Variants in TP53I13 observed in about 807,000 individuals in gnomAD.
TP53I13 encodes tumor protein p53-inducible protein 13.
TP53I13 carries 27 observed loss-of-function variants against 39.1 expected under a neutral mutation model. That is an observed-to-expected ratio of 0.69 (90% confidence interval 0.51 to 0.95). TP53I13 has a LOEUF of 0.95. TP53I13 is among the 40% of genes least tolerant of loss of function. The pLI, the probability that TP53I13 is intolerant of heterozygous loss-of-function variation, is 0.00. For synonymous variants in TP53I13, 230 were observed against 224.6 expected (o/e 1.02, Z -0.22); for missense variants, 544 against 520.4 (o/e 1.05, Z -0.44).
chr17:29,579,060 A>G, the TP53I13 span: 2 of 1,358,836 alleles, frequency 1.5e-6, no homozygotes, highest in Non-Finnish European at 2.1e-6. Flanking sequence ...AGGGCAGCAC[A>G]CGCCTTTTCA....
chr17:29,582,211 C>T, the TP53I13 span: 1 of 1,241,854 alleles, frequency 8.1e-7, no homozygotes, highest in Non-Finnish European at 1.1e-6. Flanking sequence ...CCACAAGCTG[C>T]ACCCTGGCTG....
At chr17:29,569,713 G>A (rs6505139) in intron 3 of TP53I13, 6,500 of 258,448 alleles carry the variant, frequency 0.025, 377 homozygotes, top group African/African-American at 0.13. Context: ...GACTTTGTGG[G>A]CCCCAGCTTT....
downstream of TP53I13, chr17:29,575,388 G>A (rs1294328663): frequency 6.2e-7 from 1 of 1,613,368 alleles, no homozygotes; most frequent in Non-Finnish European, 8.5e-7. The surrounding 1 kb of genome is among the most constrained non-coding windows in gnomAD (Gnocchi z 5.5). Flanking sequence ...GGAAGCCCAG[G>A]ATCTAGGTCT....
rs534007903 is a variant in TP53I13, at chr17:29,572,145, C to G, written c.517C>G (p.Leu173Val). The G allele has an allele frequency of 1.2e-6, 2 of 1,608,592 alleles. No individual in the cohort carries two copies. Among genetic ancestry groups the G allele is most frequent in the East Asian group, 2.2e-5 (1 of 44,738 alleles). The change falls in exon 6 of 7, where the codon CTG (leucine) becomes GTG (valine). Residue 173 changes from leucine to valine, a missense_variant. Transcript: ENST00000301057. The part of the protein sequence containing the change: ...RLCRRGCVQA[L>V]ALAFALRSWR... ...TTGCTCTCTCTCCTCTCCTTAGGCC[C>G]TGGCTCTGGCCTTTGCTCTGCGGAG...
chr17:29,581,689 G>T, the TP53I13 span: 2 of 1,448,034 alleles, frequency 1.4e-6, no homozygotes, highest in Non-Finnish European at 1.9e-6. The surrounding 1 kb of genome is among the most constrained non-coding windows in gnomAD (Gnocchi z 4.8). Flanking sequence ...GGTCCCACCT[G>T]CCCAGCCCCA....
chr17:29,577,470 C>T (rs2033251912), downstream of TP53I13, among the ~76,000 whole-genome samples: 1 of 152,194 alleles, frequency 6.6e-6, no homozygotes, highest in Non-Finnish European at 1.5e-5. Flanking sequence ...GGAGCTGCTC[C>T]CCAAGTGCTC....
downstream of TP53I13, chr17:29,577,629 A>C (rs2033259577): frequency 1.3e-6 from 2 of 1,542,018 alleles, no homozygotes. Context: ...CCAGGCCCCC[A>C]ATCCAGCCCC....
chr17:29,575,461 C>T (rs772218935), downstream of TP53I13: 3 of 1,602,796 alleles, frequency 1.9e-6, no homozygotes, highest in Non-Finnish European at 2.6e-6. This position sits in a 1 kb window ranked among gnomAD's most constrained non-coding sequence, Gnocchi z 5.5. Flanking sequence ...GAAACCTCTT[C>T]CCTTCCAGCC....
At chr17:29,566,892 G>C (rs1293792051), upstream of TP53I13, 6 of 1,494,020 alleles carry the variant, frequency 4.0e-6, no homozygotes, top group African/African-American at 4.4e-5. Flanking sequence ...AGGGTCCCCG[G>C]AGCCGCGGGC....
At chr17:29,576,148 A>G, downstream of TP53I13, 2 of 1,613,428 alleles carry the variant, frequency 1.2e-6, no homozygotes, top group Non-Finnish European at 1.7e-6. Context: ...ATGTTAGCAC[A>G]GCGAGCGTCA....
In TP53I13 at chr17:29,572,636, C is replaced by A; in HGVS notation, c.1008C>A (p.Asn336Lys). ...LATLCTRLHR[N>K]FRRGESIYWG... is the part of the protein sequence containing the mutation. ...CGCTCTGCACACGGCTGCACAGAAACTTCCGACGCGGGGAGAGCATCTACT... is the reference window on the plus strand; with the variant it reads ...CGCTCTGCACACGGCTGCACAGAAAATTCCGACGCGGGGAGAGCATCTACT... Residue 336 changes from asparagine to lysine, a missense_variant, in exon 6 of 7, where the codon AAC becomes AAA. Transcript: ENST00000301057. 6.3e-7 allele frequency: 1 copy of A among 1,587,540 alleles called. No individual in the cohort carries two copies. The highest frequency in any genetic ancestry group is 8.6e-7 in the Non-Finnish European group (1 of 1,167,866).
chr17:29,576,157 CATG>C, downstream of TP53I13: 1 of 1,612,864 alleles, frequency 6.2e-7, no homozygotes, highest in South Asian at 1.1e-5. Flanking sequence ...CAGCGAGCGT[CATG>C]GTGGACCCTG....
At position 29,572,891 on chromosome 17, in the gene TP53I13, G is replaced by A. The variant is rs1272619757; in HGVS notation, c.1149G>A (p.Pro383=). 7 of 1,513,082 alleles carry A rather than the reference G, an allele frequency of 4.6e-6. No homozygotes were observed. Among genetic ancestry groups the A allele is most frequent in the East Asian group, 2.6e-5 (1 of 38,656 alleles). 93.7% of individuals were successfully genotyped at this position (1,513,082 alleles called of 1,614,324 possible). A position where few individuals can be genotyped will look rare whatever the true frequency, so the allele number is the denominator to read the frequency against. The change falls in exon 7 of 7, where the codon CCG becomes CCA. Residue 383 remains proline (P), a synonymous_variant. Coordinates refer to ENST00000301057, the MANE Select transcript of TP53I13 (RefSeq NM_138349.4). ...GGAGACCCCTCCTCCCGCCCACGCC[G>A]GACAGCGGCCCGGAAGGCGAGAGCT... ...SRRRPLLPPT[P]DSGPEGESSE
In TP53I13 at chr17:29,571,717, C is replaced by T. The variant is rs375122826; in HGVS notation, c.310C>T (p.Arg104Trp). The change falls in exon 4 of 7, where the codon CGG becomes TGG. Residue 104 changes from arginine to tryptophan, a missense_variant and splice_region_variant. Coordinates refer to ENST00000301057, the MANE Select transcript of TP53I13 (RefSeq NM_138349.4). ...CCCTGACTTCAGCCTCACGCAGGATCGGGTATGTAGCTGATGAAAGGCGCT... is the reference window on the plus strand; with the variant it reads ...CCCTGACTTCAGCCTCACGCAGGATTGGGTATGTAGCTGATGAAAGGCGCT... ...LTPDFSLTQD[R>W]PLVLTAWGLA... 59 of 1,613,966 alleles carry T rather than the reference C, an allele frequency of 3.7e-5. No individual in the cohort carries two copies. The highest frequency in any genetic ancestry group is 3.6e-4 in the African/African-American group (27 of 74,936).
intron 3 of TP53I13, 114 bp from the exon 4 acceptor site, chr17:29,571,477 A>G: frequency 9.0e-6 from 13 of 1,452,198 alleles, no homozygotes; most frequent in Non-Finnish European, 1.1e-5. Context: ...TGAAGGTAGA[A>G]GAGCCATCCA....
At chr17:29,581,918 G>A in the TP53I13 span, 19 of 1,297,884 alleles carry the variant, frequency 1.5e-5, no homozygotes, top group Non-Finnish European at 1.6e-5. This position sits in a 1 kb window ranked among gnomAD's most constrained non-coding sequence, Gnocchi z 4.8. Context: ...CCCTTCAGCC[G>A]ACCCTCACCT....
Position 29,572,520 on chromosome 17 carries a change from C to CG in TP53I13, c.895dup (p.Ala299GlyfsTer10). 6.2e-7 allele frequency: 1 copy of CG among 1,605,454 alleles called. No individual in the cohort carries two copies. Among genetic ancestry groups the CG allele is most frequent in the Non-Finnish European group, 8.5e-7 (1 of 1,176,616 alleles). ...GGCCCCTCGCGCAGCAGCGCCTCCA[C>CG]GGGCAGCCCGGGGCCCCACCCCACG... On this transcript the variant is annotated frameshift_variant, in exon 6 of 7. Coordinates refer to ENST00000301057, the MANE Select transcript of TP53I13 (RefSeq NM_138349.4). LOFTEE classifies it high-confidence loss of function.
At chr17:29,579,138 C>T in the TP53I13 span, 3 of 676,700 alleles carry the variant, frequency 4.4e-6, no homozygotes, top group Admixed American at 2.4e-5. Context: ...CATCTCACCG[C>T]GTCCCCCACC....
downstream of TP53I13, chr17:29,574,763 T>C: frequency 1.2e-6 from 2 of 1,613,588 alleles, no homozygotes; most frequent in African/African-American, 1.3e-5. Flanking sequence ...GGCGATGTCA[T>C]AGGCGCACTG....
Sources: gnomAD v4.1 joint callset for allele counts (sites outside exome capture counted in the v4.1 genomes callset) on GRCh38, gnomAD v4.1.1 for gene constraint, Gnocchi (gnomAD v3.1) non-coding constraint, MANE v1.5 for transcripts, NCBI Gene and HGNC (gene_info 2026-07-23, HGNC 2026-07-21) for gene names.